MUC17: variants seen among roughly 807,000 people sequenced by gnomAD.
MUC17 encodes mucin 17, cell surface associated, also known as mucin-17.
MUC17 carries 190 observed loss-of-function variants against 170.3 expected under a neutral mutation model. The observed-to-expected ratio is 1.12, with a 90% CI of 0.99 to 1.26. The LOEUF is 1.26. Ranked by LOEUF, MUC17 falls within the 50% of genes most tolerant of loss-of-function variation. The pLI, the probability that MUC17 is intolerant of heterozygous loss-of-function variation, is 0.00. For synonymous variants in MUC17, 2,325 were observed against 2,002.5 expected, an observed-to-expected ratio of 1.16 and a Z score of -4.30; for missense variants, 6,415 against 5,530.0, an observed-to-expected ratio of 1.16 and a Z score of -5.08.
rs117326437 is a variant in MUC17 at position 101,043,826 on chromosome 7, G to A, written c.12403+7G>A. On this transcript the variant is annotated splice_region_variant and intron_variant, in intron 3 of 12. Coordinates refer to ENST00000306151, the MANE Select transcript of MUC17 (RefSeq NM_001040105.2). ...GTGCCAAGAACCACAACATGTAAGTGATTTCTTGAATTTTCCTTTTTTTTA... is the reference window on the plus strand; with the variant it reads ...GTGCCAAGAACCACAACATGTAAGTAATTTCTTGAATTTTCCTTTTTTTTA... 0.022 allele frequency: 35,284 copies of A among 1,577,142 alleles called. 529 individuals are homozygous for A. The highest frequency in any genetic ancestry group is 0.049 in the South Asian group (4,299 of 87,620).
rs770022619 is a variant in MUC17, at chr7:101,020,224, G to A, written c.82+7G>A. 2 of 1,606,072 alleles carry A rather than the reference G, an allele frequency of 1.2e-6. No individual in the cohort carries two copies. The highest frequency in any genetic ancestry group is 1.7e-6 in the Non-Finnish European group (2 of 1,176,614). On this transcript the variant is annotated splice_region_variant and intron_variant, in intron 1 of 12. Coordinates refer to ENST00000306151, the MANE Select transcript of MUC17 (RefSeq NM_001040105.2). ...CAAGCTGCTGCAGAACAGGGTGAGT[G>A]ACCCCCACGCCCCGCTGCCCAAGAG... is the stretch of plus-strand genomic sequence containing the variant.
Position 101,041,094 on chromosome 7 carries a change from T to G in MUC17, c.9678T>G (p.Ser3226Arg). 1.9e-6 allele frequency: 3 copies of G among 1,613,860 alleles called. No individual in the cohort carries two copies. The highest frequency in any genetic ancestry group is 2.5e-6 in the Non-Finnish European group (3 of 1,179,930). ...TPSEGMTPLT[S>R]VPVSNTPVAS... ...GTGAAGGAATGACTCCATTAACTAG[T>G]GTACCTGTCAGCAACACGCCGGTGG... Residue 3226 changes from serine to arginine, a missense_variant, in exon 3 of 13, where the codon AGT becomes AGG. Transcript: ENST00000306151.
Position 101,053,086 on chromosome 7 carries a change from A to T in MUC17, c.13204A>T (p.Met4402Leu), listed in dbSNP as rs1314707473. The change falls in exon 10 of 13, where the codon ATG becomes TTG. Residue 4402 changes from methionine to leucine, a missense_variant. Physicochemically the swap from Met to Leu is conservative, Grantham distance 15 (BLOSUM62 2). Coordinates refer to ENST00000306151, the MANE Select transcript of MUC17 (RefSeq NM_001040105.2). The part of the protein sequence containing the change: ...YGLVGAGVVL[M>L]LIILVALLML... Reference sequence around the variant, plus strand: ...CCTCGTGGGGGCAGGGGTCGTGCTGATGCTGATCATCCTGGTAGCTCTCCT... The same window carrying T: ...CCTCGTGGGGGCAGGGGTCGTGCTGTTGCTGATCATCCTGGTAGCTCTCCT... The T allele has an allele frequency of 6.2e-7, 1 of 1,614,082 alleles. No homozygotes were observed.
chr7:101,039,737 C>A lies in MUC17; in HGVS notation c.8321C>A (p.Thr2774Asn), dbSNP rs1373268490. Residue 2774 changes from threonine to asparagine, a missense_variant, in exon 3 of 13, where the codon ACT (threonine) becomes AAT (asparagine). Thr to Asn is a moderately conservative substitution (Grantham distance 65). Transcript: ENST00000306151. ...ASSEASTVST[T>N]AVDTSIPVTT... ...TCTGAGGCTAGCACCGTTTCAACAA[C>A]TGCTGTTGACACCAGCATACCTGTC... The A allele has an allele frequency of 6.2e-7, 1 of 1,610,590 alleles. No individual in the cohort carries two copies. Among genetic ancestry groups the A allele is most frequent in the Non-Finnish European group, 8.5e-7 (1 of 1,178,040 alleles).
At position 101,040,699 on chromosome 7, in the gene MUC17, A is replaced by G. The variant is rs752593861; in HGVS notation, c.9283A>G (p.Met3095Val). 1 of 1,613,398 alleles carries G rather than the reference A, an allele frequency of 6.2e-7. No homozygotes were observed. Among genetic ancestry groups the G allele is most frequent in the East Asian group, 2.2e-5 (1 of 44,802 alleles). Reference sequence around the variant, plus strand: ...TCCTACACCTGCTGAAGGTACCAGCATGCCAATCTCAACTTATAGTGAAGG... The same window carrying G: ...TCCTACACCTGCTGAAGGTACCAGCGTGCCAATCTCAACTTATAGTGAAGG... ...SSPTPAEGTS[M>V]PISTYSEGST... Residue 3095 changes from methionine (M) to valine (V), a missense_variant, in exon 3 of 13, where the codon ATG becomes GTG. By Grantham distance (21) the Met-to-Val change is conservative. Coordinates refer to ENST00000306151, the MANE Select transcript of MUC17 (RefSeq NM_001040105.2).
chr7:101,020,650 C>G (rs533180226), intron 1 of MUC17, among the ~76,000 whole-genome samples: 3 of 152,266 alleles, frequency 2.0e-5, no homozygotes, highest in African/African-American at 7.2e-5. Flanking sequence ...CCAGCACACC[C>G]TGCTGTGTGC....
Position 101,037,990 on chromosome 7 carries a change from G to C in MUC17, c.6574G>C (p.Val2192Leu), listed in dbSNP as rs1037671117. ...AACTCCTGTTGACACCAGCACACCT[G>C]TGACCAATTCTACTGAAGCCCGTTC... The part of the protein sequence containing the change: ...STTPVDTSTP[V>L]TNSTEARSSP... Residue 2192 changes from valine (V) to leucine (L), a missense_variant, in exon 3 of 13, where the codon GTG becomes CTG. Transcript: ENST00000306151. The C allele has an allele frequency of 1.9e-6, 3 of 1,608,058 alleles. No individual in the cohort carries two copies. In the African/African-American group the frequency reaches 4.0e-5, roughly 22 times the overall value.
chr7:101,043,358 C>T lies in MUC17; in HGVS notation c.11942C>T (p.Thr3981Ile). ...LNTPSTSSSS[T>I]TTSFSTTKEF... ...ACACCATCAACCTCCAGTAGTAGTA[C>T]CACCACATCTTTTTCAACTACTAAG... Residue 3981 changes from threonine to isoleucine, a missense_variant, in exon 3 of 13, where the codon ACC becomes ATC. Physicochemically the swap from Thr to Ile is moderately conservative, Grantham distance 89. Coordinates refer to ENST00000306151, the MANE Select transcript of MUC17 (RefSeq NM_001040105.2). 6.2e-7 allele frequency: 1 copy of T among 1,614,184 alleles called. No individual in the cohort carries two copies. Among genetic ancestry groups the T allele is most frequent in the Non-Finnish European group, 8.5e-7 (1 of 1,180,028 alleles).
intron 9 of MUC17, among the ~76,000 whole-genome samples, chr7:101,052,477 T>G (rs1021429386): frequency 1.3e-5 from 2 of 151,960 alleles, no homozygotes; most frequent in African/African-American, 4.8e-5. Context: ...GAGTAGTTAA[T>G]TTGGGAAGGC....
rs375767301 is a variant in MUC17, at chr7:101,042,532, G to A, written c.11116G>A (p.Val3706Met). 22 of 1,613,864 alleles carry A rather than the reference G, an allele frequency of 1.4e-5. No homozygotes were observed. Among genetic ancestry groups the A allele is most frequent in the Admixed American group, 1.2e-4 (7 of 59,992 alleles). Residue 3706 changes from valine to methionine, a missense_variant, in exon 3 of 13, where the codon GTG becomes ATG. Physicochemically the swap from Val to Met is conservative, Grantham distance 21. Coordinates refer to ENST00000306151, the MANE Select transcript of MUC17 (RefSeq NM_001040105.2). ...LTTMPVSTTRVTSSEGSTLST... is the reference protein window; with the variant it reads ...LTTMPVSTTRMTSSEGSTLST... ...AACTATGCCTGTCAGCACCACACGT[G>A]TGACCAGCTCTGAGGGTAGCACCCT...
At position 101,042,382 on chromosome 7, in the gene MUC17, T is replaced by TCAACACTTC. The variant is rs1212996071; in HGVS notation, c.10968_10976dup (p.Thr3657_Pro3659dup). On this transcript the variant is annotated inframe_insertion, in exon 3 of 13. Transcript: ENST00000306151. Reference sequence around the variant, plus strand: ...GACCATTTCTGAGGCTGGCACAGCTTCAACACTTCCTGTTGACACCAGCAC... The same window carrying TCAACACTTC: ...GACCATTTCTGAGGCTGGCACAGCTTCAACACTTCCAACACTTCCTGTTGACACCAGCAC... The TCAACACTTC allele has an allele frequency of 6.2e-7, 1 of 1,614,116 alleles. No homozygotes were observed.
intron 8 of MUC17, 47 bp from the exon 9 acceptor site, chr7:101,051,756 C>A (rs1794948438): frequency 1.9e-6 from 3 of 1,606,012 alleles, no homozygotes; most frequent in Non-Finnish European, 2.6e-6. Flanking sequence ...CAGTGTCCCC[C>A]CAGCCCTCTG....
In MUC17 at chr7:101,039,087, A is replaced by C. The variant is rs766113880; in HGVS notation, c.7671A>C (p.Thr2557=). ...VTSTEISSSA[T]SAEGTSMPTS... Reference sequence around the variant, plus strand: ...CTACTGAAATCAGTTCATCTGCTACATCCGCTGAAGGTACCAGCATGCCTA... The same window carrying C: ...CTACTGAAATCAGTTCATCTGCTACCTCCGCTGAAGGTACCAGCATGCCTA... The change falls in exon 3 of 13, where the codon ACA becomes ACC. Residue 2557 remains threonine (T), a synonymous_variant. Coordinates refer to ENST00000306151, the MANE Select transcript of MUC17 (RefSeq NM_001040105.2). 1.5e-5 allele frequency: 25 copies of C among 1,613,270 alleles called. No homozygotes were observed. Among genetic ancestry groups the C allele is most frequent in the Non-Finnish European group, 2.1e-5 (25 of 1,179,824 alleles).
At chr7:101,024,447 G>A (rs758570272) in intron 1 of MUC17, among the ~76,000 whole-genome samples, 8 of 151,422 alleles carry the variant, frequency 5.3e-5, no homozygotes, top group African/African-American at 1.5e-4. Context: ...GGAACAAAAC[G>A]GCAAGGGAGG....
rs758218203 is a variant in MUC17, at chr7:101,040,518, C to T, written c.9102C>T (p.Thr3034=). ...CCTCTCCTACAACTGCTGAAGGTACCGGCATACCAATCTCAACTCCTAGTG... is the reference window on the plus strand; with the variant it reads ...CCTCTCCTACAACTGCTGAAGGTACTGGCATACCAATCTCAACTCCTAGTG... ...ASSSPTTAEG[T]GIPISTPSEG... The change falls in exon 3 of 13, where the codon ACC becomes ACT. Residue 3034 remains threonine, a synonymous_variant. Transcript: ENST00000306151. 2.5e-5 allele frequency: 40 copies of T among 1,611,458 alleles called. No individual in the cohort carries two copies. The African/African-American group carries it at 3.6e-4, about 15-fold the overall frequency.
Position 101,041,066 on chromosome 7 carries a change from C to G in MUC17, c.9650C>G (p.Pro3217Arg), listed in dbSNP as rs757049633. 1.2e-6 allele frequency: 2 copies of G among 1,613,936 alleles called. No homozygotes were observed. Among genetic ancestry groups the G allele is most frequent in the East Asian group, 2.2e-5 (1 of 44,854 alleles). The stretch of plus-strand genomic sequence containing the variant: ...GGTACCAGCATTCCAACCTCAACTC[C>G]TAGTGAAGGAATGACTCCATTAACT... ...AEGTSIPTST[P>R]SEGMTPLTSV... Residue 3217 changes from proline (P) to arginine (R), a missense_variant, in exon 3 of 13, where the codon CCT becomes CGT. Physicochemically the swap from Pro to Arg is moderately radical, Grantham distance 103. Coordinates refer to ENST00000306151, the MANE Select transcript of MUC17 (RefSeq NM_001040105.2).
Position 101,040,057 on chromosome 7 carries a change from G to C in MUC17, c.8641G>C (p.Val2881Leu). The change falls in exon 3 of 13, where the codon GTG (valine) becomes CTG (leucine). Residue 2881 changes from valine to leucine, a missense_variant. Val to Leu is a conservative substitution (Grantham distance 32). Transcript: ENST00000306151. ...AAGTATACCTGTCAGCACCACGCCG[G>C]TGGCCAGTTCTGAGGCTAGCACCCT... ...LTSIPVSTTPVASSEASTLST... is the reference protein window; with the variant it reads ...LTSIPVSTTPLASSEASTLST... 2.5e-6 allele frequency: 4 copies of C among 1,612,690 alleles called. No individual in the cohort carries two copies. The highest frequency in any genetic ancestry group is 3.4e-6 in the Non-Finnish European group (4 of 1,179,540).
chr7:101,031,020 G>C, intron 1 of MUC17, 100 bp from the exon 2 acceptor site: 2 of 1,412,634 alleles, frequency 1.4e-6, no homozygotes, highest in African/African-American at 2.9e-5. Context: ...TGGTTCAGGG[G>C]CCAGGGACTT....
Position 101,031,694 on chromosome 7 carries a change from C to G in MUC17, c.278C>G (p.Ser93Trp), listed in dbSNP as rs776605605. The G allele has an allele frequency of 6.2e-7, 1 of 1,607,724 alleles. No homozygotes were observed. Among genetic ancestry groups the G allele is most frequent in the Non-Finnish European group, 8.5e-7 (1 of 1,176,112 alleles). ...TGCAGCACCAACCCTGAGATGACCT[C>G]GATTGAGTCCAGTGTGACTTCAGAC... ...LSCSTNPEMT[S>W]IESSVTSDTP... The change falls in exon 3 of 13, where the codon TCG (serine) becomes TGG (tryptophan). Residue 93 changes from serine to tryptophan, a missense_variant. Physicochemically the swap from Ser to Trp is radical, Grantham distance 177 (BLOSUM62 -3). Coordinates refer to ENST00000306151, the MANE Select transcript of MUC17 (RefSeq NM_001040105.2).
Sources: allele counts gnomAD v4.1 joint callset (sites outside exome capture counted in the v4.1 genomes callset), GRCh38; gene constraint gnomAD v4.1.1; transcripts MANE v1.5; gene names NCBI Gene and HGNC (gene_info 2026-07-23, HGNC 2026-07-21).